KIAA1549: variants seen among roughly 807,000 people sequenced by gnomAD.
KIAA1549 encodes KIAA1549, also known as UPF0606 protein KIAA1549.
KIAA1549 carries 70 observed loss-of-function variants against 156.4 expected under a neutral mutation model. The ratio of observed to expected loss-of-function variants is 0.45; its 90% confidence interval spans 0.37 to 0.55. The LOEUF is 0.55. Among genes scored for constraint, KIAA1549 ranks in the 20% least tolerant of loss-of-function variants. KIAA1549 has a pLI of 0.00. For synonymous variants in KIAA1549, 1,103 were observed against 1,066.4 expected, an observed-to-expected ratio of 1.03 and a Z score of -0.67; for missense variants, 2,428 against 2,540.9, an observed-to-expected ratio of 0.96 and a Z score of 0.96.
At position 138,906,941 on chromosome 7, in the gene KIAA1549, G is replaced by A. The variant is rs1812021501; in HGVS notation, c.3438C>T (p.Tyr1146=). The A allele has an allele frequency of 6.2e-7, 1 of 1,608,474 alleles. No homozygotes were observed. Among genetic ancestry groups the A allele is most frequent in the African/African-American group, 1.3e-5 (1 of 74,766 alleles). ...SVVEFSFYLG[Y]PVLQIAEPFQ... ...CACGCTCTGCGATCTGCAGCACTGG[G>A]TATCCCAGATAGAAACTGAACTCCA... is the stretch of plus-strand genomic sequence containing the variant. The change falls in exon 6 of 20, where the codon TAC becomes TAT. Residue 1146 remains tyrosine, a synonymous_variant. Coordinates refer to ENST00000422774, the MANE Select transcript of KIAA1549 (RefSeq NM_001164665.2).
rs564527863 is a variant in KIAA1549 at position 138,943,645 on chromosome 7, C to G, written c.188-24207G>C. Reference sequence around the variant, plus strand: ...CGGGTGGATCACAAGGTCAGGAGATCGAGACCATCCTGGCTAACATGGTGA... The same window carrying G: ...CGGGTGGATCACAAGGTCAGGAGATGGAGACCATCCTGGCTAACATGGTGA... On this transcript the variant is annotated intron_variant, in intron 1 of 19. Coordinates refer to ENST00000422774, the MANE Select transcript of KIAA1549 (RefSeq NM_001164665.2). 5.4e-4 allele frequency among the ~76,000 whole-genome samples: 82 copies of G among 152,168 alleles called. No individual in the cohort carries two copies. The East Asian group carries it at 0.01, about 19-fold the overall frequency.
At chr7:138,975,104 C>A (rs1584795823) in intron 1 of KIAA1549, among the ~76,000 whole-genome samples, 1 of 152,242 alleles carries the variant, frequency 6.6e-6, no homozygotes. Context: ...TTCTAACAAG[C>A]TACGAGGCAG....
At chr7:138,947,758 G>A (rs1237242117) in intron 1 of KIAA1549, among the ~76,000 whole-genome samples, 1 of 151,950 alleles carries the variant, frequency 6.6e-6, no homozygotes, top group Non-Finnish European at 1.5e-5. Flanking sequence ...ATATTCAGGG[G>A]CCAACTTTTT....
Position 138,981,036 on chromosome 7 carries a change from G to A in KIAA1549, c.187+47C>T, listed in dbSNP as rs906090824. 15 of 1,213,614 alleles carry A rather than the reference G, an allele frequency of 1.2e-5. No homozygotes were observed. Among genetic ancestry groups the A allele is most frequent in the African/African-American group, 1.6e-5 (1 of 63,698 alleles). 75.2% of individuals were successfully genotyped at this position (1,213,614 alleles called of 1,614,324 possible). A position where few individuals can be genotyped will look rare whatever the true frequency, so the allele number is the denominator to read the frequency against. On this transcript the variant is annotated intron_variant, in intron 1 of 19. Transcript: ENST00000422774. The surrounding 1 kb of genome is among the most constrained non-coding windows in gnomAD (Gnocchi z 4.5). ...GGGTTTTGAAAACAGCAGCGATAAA[G>A]GCAGGCGGGGTCGCGGCCGCGTTCC...
intron 17 of KIAA1549, among the ~76,000 whole-genome samples, chr7:138,850,835 T>G (rs1351552417): frequency 6.6e-6 from 1 of 152,132 alleles, no homozygotes; most frequent in Non-Finnish European, 1.5e-5. Flanking sequence ...TAGTTTTGGG[T>G]TTTATCTTTT....
At chr7:138,901,716 C>A (rs1037166594) in intron 8 of KIAA1549, among the ~76,000 whole-genome samples, 1 of 152,158 alleles carries the variant, frequency 6.6e-6, no homozygotes, top group Non-Finnish European at 1.5e-5. Context: ...ATTTTATTTA[C>A]CCATTCCCCA....
At chr7:138,975,942 C>T (rs1814364807) in intron 1 of KIAA1549, among the ~76,000 whole-genome samples, 2 of 152,236 alleles carry the variant, frequency 1.3e-5, no homozygotes, top group African/African-American at 4.8e-5. Flanking sequence ...CTGACAAGCA[C>T]TGCAGCAGCT....
In KIAA1549 at chr7:138,844,421, G is replaced by A; in HGVS notation, c.5348C>T (p.Pro1783Leu). 6.3e-7 allele frequency: 1 copy of A among 1,592,426 alleles called. No homozygotes were observed. The highest frequency in any genetic ancestry group is 1.1e-5 in the South Asian group (1 of 87,464). ...TTCGGCGGAGGCCTGTGGCTGCTGA[G>A]GGTCAGGGGGCACCAGCTCTGTAGA... ...LQSTELVPPDPQQPQASAEAP... is the reference protein window; with the variant it reads ...LQSTELVPPDLQQPQASAEAP... Residue 1783 changes from proline to leucine, a missense_variant, in exon 18 of 20, where the codon CCT becomes CTT. Transcript: ENST00000422774.
At chr7:138,913,914 G>A (rs943055894) in intron 2 of KIAA1549, among the ~76,000 whole-genome samples, 1 of 151,506 alleles carries the variant, frequency 6.6e-6, no homozygotes, top group Non-Finnish European at 1.5e-5. Flanking sequence ...GAGGGAGGGA[G>A]AAATGAGGAA....
intron 10 of KIAA1549, 72 bp from the exon 11 acceptor site, chr7:138,881,656 G>T (rs144228878): frequency 5.2e-6 from 7 of 1,337,600 alleles, no homozygotes; most frequent in Non-Finnish European, 4.1e-6. Context: ...CACAACTTCT[G>T]ACCCAAGACT....
chr7:138,974,037 C>T (rs553747472), intron 1 of KIAA1549, among the ~76,000 whole-genome samples: 19 of 152,288 alleles, frequency 1.2e-4, no homozygotes, highest in African/African-American at 2.4e-4. Context: ...CAGTGGAGCA[C>T]GAGCACTGAC....
chr7:138,878,926 C>T (rs1466629711), intron 12 of KIAA1549, among the ~76,000 whole-genome samples: 2 of 152,086 alleles, frequency 1.3e-5, no homozygotes, highest in East Asian at 3.8e-4. Context: ...TGCTATCACT[C>T]CAAAAAAATG....
At chr7:138,967,709 T>A (rs998568011) in intron 1 of KIAA1549, among the ~76,000 whole-genome samples, 1 of 151,254 alleles carries the variant, frequency 6.6e-6, no homozygotes, top group Non-Finnish European at 1.5e-5. Flanking sequence ...AAAAAAACAC[T>A]CAATAGTGCA....
intron 1 of KIAA1549, among the ~76,000 whole-genome samples, chr7:138,975,339 C>T (rs1217910845): frequency 2.0e-5 from 3 of 152,170 alleles, no homozygotes; most frequent in African/African-American, 7.2e-5. Flanking sequence ...GAGCCATCTG[C>T]AATGGTGAGA....
At chr7:138,932,134 G>C (rs1240517023) in intron 1 of KIAA1549, among the ~76,000 whole-genome samples, 1 of 152,204 alleles carries the variant, frequency 6.6e-6, no homozygotes, top group Non-Finnish European at 1.5e-5. Flanking sequence ...TCCCTTTTCA[G>C]AGAATAGGCC....
intron 5 of KIAA1549, 73 bp downstream of exon 5, chr7:138,908,918 A>G (rs578232225): frequency 6.4e-7 from 1 of 1,569,242 alleles, no homozygotes; most frequent in African/African-American, 1.4e-5. Flanking sequence ...AGTTAAGCAC[A>G]TCTTAAACAA....
intron 15 of KIAA1549, 114 bp downstream of exon 15, chr7:138,867,861 G>T: frequency 8.9e-7 from 1 of 1,122,378 alleles, no homozygotes; most frequent in Non-Finnish European, 1.3e-6. Flanking sequence ...CAGGCATCAG[G>T]CACTGATACC....
At chr7:138,972,810 A>G (rs1478917271) in intron 1 of KIAA1549, among the ~76,000 whole-genome samples, 1 of 151,692 alleles carries the variant, frequency 6.6e-6, no homozygotes, top group Non-Finnish European at 1.5e-5. Context: ...ATTGTCAACC[A>G]CTGCTTTTGT....
intron 4 of KIAA1549, 143 bp downstream of exon 4, chr7:138,911,003 G>C: frequency 2.9e-6 from 2 of 696,868 alleles, no homozygotes; most frequent in Non-Finnish European, 4.6e-6. Flanking sequence ...CTGCATTCCA[G>C]CCTGGGCAAC....
Sources: allele counts gnomAD v4.1 joint callset (sites outside exome capture counted in the v4.1 genomes callset), GRCh38; gene constraint gnomAD v4.1.1; non-coding constraint Gnocchi (gnomAD v3.1); transcripts MANE v1.5; gene names NCBI Gene and HGNC (gene_info 2026-07-23, HGNC 2026-07-21).